The following BRD4 variants were observed in gnomAD, a reference collection of about 807,000 sequenced individuals.
BRD4 encodes the protein bromodomain containing 4, also known as bromodomain-containing protein 4.
A neutral mutation model predicts 142.1 loss-of-function variants in BRD4; 16 were observed. That is an observed-to-expected ratio of 0.11 (90% CI 0.08 to 0.17). The LOEUF (loss-of-function observed/expected upper bound fraction) is 0.17. Among genes scored for constraint, BRD4 ranks in the 10% least tolerant of loss-of-function variants. BRD4 has a pLI of 1.00. For missense variants in BRD4, 1,424 were observed against 1,810.9 expected (o/e 0.79, Z 3.88); for synonymous variants, 833 against 707.5 (o/e 1.18, Z -2.82).
At chr19:15,297,513 T>C (rs1362298472) in intron 1 of BRD4, among the ~76,000 whole-genome samples, 3 of 152,220 alleles carry the variant, frequency 2.0e-5, no homozygotes, top group Non-Finnish European at 2.9e-5. Flanking sequence ...TTTTCAAGTC[T>C]TTTACCCATC....
Position 15,237,622 on chromosome 19 carries a change from G to GA in BRD4, c.*754dup, listed in dbSNP as rs1006511863. Reference sequence around the variant, plus strand: ...TAGAATTCAACAAAAAATATATATAGAAAAAAAAGAAAAAAAAAAACGAAA... The same window carrying GA: ...TAGAATTCAACAAAAAATATATATAGAAAAAAAAAGAAAAAAAAAAACGAAA... On this transcript the variant is annotated 3_prime_UTR_variant, in exon 20 of 20. Coordinates refer to ENST00000679869, the MANE Select transcript of BRD4 (RefSeq NM_001379291.1). 10 of 189,604 alleles carry GA rather than the reference G, an allele frequency of 5.3e-5. No individual in the cohort carries two copies. The highest frequency in any genetic ancestry group is 8.0e-5 in the East Asian group (1 of 12,474). 11.7% of individuals were successfully genotyped at this position (189,604 alleles called of 1,614,324 possible). A position where few individuals can be genotyped will look rare whatever the true frequency, so the allele number is the denominator to read the frequency against.
At position 15,272,705 on chromosome 19, in the gene BRD4, C is replaced by T. The variant is rs2240304; in HGVS notation, c.285+110G>A. ...CACTCAAGGGCCCTGCAGCTCTCAC[C>T]ATGATTCCAAATGCATCTCCTACCC... On this transcript the variant is annotated intron_variant, in intron 2 of 19. Transcript: ENST00000679869. 180,029 of 1,063,308 alleles carry T rather than the reference C, an allele frequency of 0.17. 15,802 individuals carry two copies. Among genetic ancestry groups the T allele is most frequent in the Middle Eastern group, 0.2 (663 of 3,244 alleles). 65.9% of individuals were successfully genotyped at this position (1,063,308 alleles called of 1,614,324 possible). A position where few individuals can be genotyped will look rare whatever the true frequency, so the allele number is the denominator to read the frequency against.
intron 1 of BRD4, among the ~76,000 whole-genome samples, chr19:15,309,105 G>A (rs1248190436): frequency 6.6e-6 from 1 of 152,004 alleles, no homozygotes; most frequent in Non-Finnish European, 1.5e-5. Context: ...GGGAGGCTGA[G>A]GCGAGCAGAT....
Position 15,267,525 on chromosome 19 carries a change from T to C in BRD4, c.450A>G (p.Ala150=), listed in dbSNP as rs201010450. ...GCAAGAAGAGCTTTTCCAGAGCTTC[T>C]GCCATTAAGACTATGTCATCTCCAG... ...NKPGDDIVLM[A]EALEKLFLQK... Residue 150 remains alanine, a synonymous_variant, in exon 4 of 20, where the codon GCA becomes GCG. Transcript: ENST00000679869. 22 of 1,613,906 alleles carry C rather than the reference T, an allele frequency of 1.4e-5. No individual in the cohort carries two copies. The highest frequency in any genetic ancestry group is 1.9e-5 in the Non-Finnish European group (22 of 1,180,030).
chr19:15,255,673 G>A (rs1237682713), intron 9 of BRD4, 81 bp from the exon 10 acceptor site: 11 of 1,497,264 alleles, frequency 7.3e-6, no homozygotes, highest in Non-Finnish European at 8.9e-6. Flanking sequence ...TGTATGTTGG[G>A]GGGAAGGGGT....
intron 11 of BRD4, chr19:15,248,304 G>A (rs1174717794): frequency 4.6e-6 from 1 of 216,230 alleles, no homozygotes; most frequent in African/African-American, 2.2e-5. Flanking sequence ...CATTCTAAGG[G>A]ACTGAAGACG....
intron 1 of BRD4, among the ~76,000 whole-genome samples, chr19:15,276,456 C>T (rs946837753): frequency 5.3e-5 from 8 of 152,064 alleles, no homozygotes; most frequent in African/African-American, 1.9e-4. Context: ...TCTGCTAGCC[C>T]TACTGCCAGA....
intron 11 of BRD4, among the ~76,000 whole-genome samples, chr19:15,252,077 G>A (rs1472297097): frequency 2.0e-5 from 3 of 152,156 alleles, no homozygotes; most frequent in Non-Finnish European, 4.4e-5. Context: ...AAGTGGGGGA[G>A]TGAAAAAATA....
chr19:15,278,215 T>TC (rs2047670345), intron 1 of BRD4, among the ~76,000 whole-genome samples: 1 of 144,836 alleles, frequency 6.9e-6, no homozygotes, highest in Non-Finnish European at 1.5e-5. Flanking sequence ...TTGTGCAGCA[T>TC]CCAACAGGCA....
intron 1 of BRD4, 55 bp from the exon 2 acceptor site, chr19:15,273,188 T>C: frequency 6.8e-7 from 1 of 1,476,330 alleles, no homozygotes; most frequent in Non-Finnish European, 9.0e-7. Flanking sequence ...TGGGCACCGC[T>C]CAGAATGACA....
rs754727210 is a variant in BRD4, at chr19:15,254,142, G to T, written c.2158+10C>A. 8.7e-6 allele frequency: 14 copies of T among 1,610,584 alleles called. No individual in the cohort carries two copies. The highest frequency in any genetic ancestry group is 1.1e-5 in the Non-Finnish European group (13 of 1,176,894). On this transcript the variant is annotated intron_variant, in intron 11 of 19. Coordinates refer to ENST00000679869, the MANE Select transcript of BRD4 (RefSeq NM_001379291.1). ...GTTTGGTAAGACACGTAGAACACAA[G>T]TCACCTAACCTGTTTCGGAGTCTTC...
At chr19:15,264,868 G>A (rs988444193) in intron 5 of BRD4, 102 bp from the exon 6 acceptor site, 18 of 1,494,592 alleles carry the variant, frequency 1.2e-5, no homozygotes, top group African/African-American at 4.2e-5. Context: ...GGGGCCCATC[G>A]CTCACACAGA....
At position 15,239,548 on chromosome 19, in the gene BRD4, C is replaced by T; in HGVS notation, c.3446-26G>A. 1 of 1,596,090 alleles carries T rather than the reference C, an allele frequency of 6.3e-7. No individual in the cohort carries two copies. The highest frequency in any genetic ancestry group is 1.1e-5 in the South Asian group (1 of 89,176). On this transcript the variant is annotated intron_variant, in intron 16 of 19. Coordinates refer to ENST00000679869, the MANE Select transcript of BRD4 (RefSeq NM_001379291.1). This position sits in a 1 kb window ranked among gnomAD's most constrained non-coding sequence, Gnocchi z 7.4. ...CTGGAACATAAACAGCCGGTGGGCC[C>T]TGGCCCACCTCACCCCAGTGGGGCA...
At chr19:15,248,344 CAG>C (rs1192305121) in intron 11 of BRD4, 1 of 215,676 alleles carries the variant, frequency 4.6e-6, no homozygotes, top group Non-Finnish European at 9.3e-6. Flanking sequence ...TAACACCAGT[CAG>C]AGGTGTCCAT....
At chr19:15,279,983 C>CAG (rs1306462306) in intron 1 of BRD4, among the ~76,000 whole-genome samples, 4 of 152,200 alleles carry the variant, frequency 2.6e-5, no homozygotes, top group Non-Finnish European at 5.9e-5. Flanking sequence ...CCACACTTAG[C>CAG]AGAGCTTTAT....
At chr19:15,277,324 T>C (rs2047658267) in intron 1 of BRD4, among the ~76,000 whole-genome samples, 1 of 152,220 alleles carries the variant, frequency 6.6e-6, no homozygotes, top group South Asian at 2.1e-4. Flanking sequence ...TAGACAATGC[T>C]GTAGTTCCCA....
chr19:15,253,374 C>G, intron 11 of BRD4: 1 of 618,106 alleles, frequency 1.6e-6, no homozygotes, highest in Non-Finnish European at 2.8e-6. Flanking sequence ...CTCTCCACTC[C>G]CACCTGGCAC....
In BRD4 at chr19:15,238,188, G is replaced by C; in HGVS notation, c.*189C>G. ...GTGGTGGGTGGCGGGACGTCTGTCCGACTGGCCGTAAGGCAGACAGGCTCT... is the reference window on the plus strand; with the variant it reads ...GTGGTGGGTGGCGGGACGTCTGTCCCACTGGCCGTAAGGCAGACAGGCTCT... On this transcript the variant is annotated 3_prime_UTR_variant, in exon 20 of 20. Transcript: ENST00000679869. This position sits in a 1 kb window ranked among gnomAD's most constrained non-coding sequence, Gnocchi z 7.2. 1 of 901,814 alleles carries C rather than the reference G, an allele frequency of 1.1e-6. No individual in the cohort carries two copies. The highest frequency in any genetic ancestry group is 1.6e-6 in the Non-Finnish European group (1 of 607,532). 55.9% of individuals were successfully genotyped at this position (901,814 alleles called of 1,614,324 possible). A position where few individuals can be genotyped will look rare whatever the true frequency, so the allele number is the denominator to read the frequency against.
intron 11 of BRD4, chr19:15,249,234 G>A: frequency 6.2e-7 from 1 of 1,613,954 alleles, no homozygotes; most frequent in Non-Finnish European, 8.5e-7. Flanking sequence ...TGCTGGGAAG[G>A]AATCTGGAAC....
Sources: allele counts gnomAD v4.1 joint callset (sites outside exome capture counted in the v4.1 genomes callset), GRCh38; gene constraint gnomAD v4.1.1; non-coding constraint Gnocchi (gnomAD v3.1); transcripts MANE v1.5; gene names NCBI Gene and HGNC (gene_info 2026-07-23, HGNC 2026-07-21).